Variants in ADAMTS16 observed in about 807,000 individuals in gnomAD.
The protein encoded by ADAMTS16 is ADAM metallopeptidase with thrombospondin type 1 motif 16, also known as A disintegrin and metalloproteinase with thrombospondin motifs 16.
ADAMTS16 carries 94 observed loss-of-function variants against 145.8 expected under a neutral mutation model. That is an observed-to-expected ratio of 0.64 (90% CI 0.55 to 0.77). The LOEUF is 0.77. Among genes scored for constraint, ADAMTS16 ranks in the 30% least tolerant of loss-of-function variants. ADAMTS16 has a pLI of 0.00. For synonymous variants in ADAMTS16, 659 were observed against 604.3 expected (o/e 1.09, Z -1.33); for missense variants, 1,585 against 1,591.5 (o/e 1.00, Z 0.07).
chr5:5,177,541 AT>A (rs994158937), intron 3 of ADAMTS16, among the ~76,000 whole-genome samples: 20 of 151,788 alleles, frequency 1.3e-4, no homozygotes, highest in African/African-American at 3.1e-4. Flanking sequence ...TTTTAGCCAA[AT>A]TTTTTTTTCA....
At chr5:5,141,213 C>T (rs270201) in intron 2 of ADAMTS16, among the ~76,000 whole-genome samples, 109,705 of 152,058 alleles carry the variant, frequency 0.72, 39,820 homozygotes, top group Admixed American at 0.81. Context: ...TGCTTATTCT[C>T]AGTGAAGGAG....
chr5:5,144,490 C>T (rs975271299), intron 2 of ADAMTS16, among the ~76,000 whole-genome samples: 2 of 151,956 alleles, frequency 1.3e-5, no homozygotes, highest in African/African-American at 4.8e-5. Flanking sequence ...ACCAATTATC[C>T]GTTGTTGATT....
intron 10 of ADAMTS16, among the ~76,000 whole-genome samples, chr5:5,209,838 C>T (rs1736227173): frequency 6.6e-6 from 1 of 152,124 alleles, no homozygotes; most frequent in African/African-American, 2.4e-5. Context: ...CTATCAAACA[C>T]AGGAAAAGCT....
At chr5:5,232,611 T>C in intron 12 of ADAMTS16, 95 bp downstream of exon 12, 3 of 1,493,154 alleles carry the variant, frequency 2.0e-6, no homozygotes, top group Admixed American at 2.1e-5. Flanking sequence ...TTTTTTTTTT[T>C]TTTTTTTTTT....
intron 9 of ADAMTS16, 78 bp from the exon 10 acceptor site, chr5:5,209,015 G>C: frequency 1.4e-6 from 2 of 1,474,464 alleles, no homozygotes; most frequent in Non-Finnish European, 1.8e-6. Flanking sequence ...TTACATGGGG[G>C]AGAAAGGCAT....
At chr5:5,236,301 C>T (rs1467198943) in intron 13 of ADAMTS16, among the ~76,000 whole-genome samples, 3 of 148,784 alleles carry the variant, frequency 2.0e-5, no homozygotes, top group East Asian at 2.0e-4. Context: ...TGTCCCTCCC[C>T]TTTTTTTTTT....
chr5:5,179,338 C>T (rs1441693133), intron 3 of ADAMTS16, among the ~76,000 whole-genome samples: 2 of 151,944 alleles, frequency 1.3e-5, no homozygotes, highest in East Asian at 3.9e-4. Flanking sequence ...CAATCATCTT[C>T]TGAGGGGGGG....
rs1251686039 is a variant in ADAMTS16, at chr5:5,319,144, G to A, written c.*6G>A. ...GCTCTAAGTCCAACTTGTGAGTTGGGACCGCTCTCCGTAGCAGAGAAAGTG... is the reference window on the plus strand; with the variant it reads ...GCTCTAAGTCCAACTTGTGAGTTGGAACCGCTCTCCGTAGCAGAGAAAGTG... On this transcript the variant is annotated 3_prime_UTR_variant, in exon 23 of 23. Transcript: ENST00000274181. The A allele has an allele frequency of 4.4e-6, 7 of 1,597,486 alleles. No homozygotes were observed. In the African/African-American group the frequency reaches 9.4e-5, roughly 21 times the overall value.
intron 3 of ADAMTS16, among the ~76,000 whole-genome samples, chr5:5,179,925 C>T (rs920728916): frequency 6.6e-6 from 1 of 152,178 alleles, no homozygotes. Context: ...AACCTACTCT[C>T]CTCTGTCTTT....
At chr5:5,305,394 CCACA>C (rs112974481) in intron 20 of ADAMTS16, among the ~76,000 whole-genome samples, 6 of 47,394 alleles carry the variant, frequency 1.3e-4, no homozygotes, top group African/African-American at 4.4e-4. Flanking sequence ...CAATCCCACA[CCACA>C]CACACACACA....
intron 14 of ADAMTS16, among the ~76,000 whole-genome samples, chr5:5,238,465 A>G (rs1737180752): frequency 6.6e-6 from 1 of 152,208 alleles, no homozygotes; most frequent in Non-Finnish European, 1.5e-5. Flanking sequence ...CATAGGTCTA[A>G]AATTTTAATT....
intron 3 of ADAMTS16, among the ~76,000 whole-genome samples, chr5:5,163,939 T>A (rs1397055287): frequency 6.6e-6 from 1 of 152,220 alleles, no homozygotes; most frequent in African/African-American, 2.4e-5. Context: ...GAACAGGAAC[T>A]AGCCCTTTGT....
chr5:5,158,610 G>A (rs942398648), intron 3 of ADAMTS16, among the ~76,000 whole-genome samples: 11 of 152,178 alleles, frequency 7.2e-5, no homozygotes, highest in Admixed American at 4.6e-4. Context: ...GTGATCTCAG[G>A]AAAGGCCAAT....
At chr5:5,311,374 A>G (rs913570996) in intron 21 of ADAMTS16, among the ~76,000 whole-genome samples, 1 of 152,074 alleles carries the variant, frequency 6.6e-6, no homozygotes, top group Non-Finnish European at 1.5e-5. Context: ...AAACAAACAA[A>G]TATTTATCTG....
intron 3 of ADAMTS16, among the ~76,000 whole-genome samples, chr5:5,166,087 A>G (rs1734868968): frequency 6.6e-6 from 1 of 152,134 alleles, no homozygotes; most frequent in Non-Finnish European, 1.5e-5. Flanking sequence ...TGTAAACTTG[A>G]TTGATAACTC....
chr5:5,160,577 T>C (rs966394219), intron 3 of ADAMTS16, among the ~76,000 whole-genome samples: 6 of 152,178 alleles, frequency 3.9e-5, no homozygotes, highest in Non-Finnish European at 4.4e-5. Flanking sequence ...GTCTAAAGTC[T>C]TGAAATACCT....
intron 18 of ADAMTS16, among the ~76,000 whole-genome samples, chr5:5,290,573 C>G (rs1011094836): frequency 1.3e-5 from 2 of 152,054 alleles, no homozygotes; most frequent in African/African-American, 4.8e-5. Flanking sequence ...GAACTTGAAC[C>G]AGGGAGGCAG....
intron 21 of ADAMTS16, among the ~76,000 whole-genome samples, chr5:5,311,521 C>T (rs1417753429): frequency 5.3e-5 from 8 of 149,550 alleles, no homozygotes; most frequent in African/African-American, 1.5e-4. Flanking sequence ...ATGTGTGAGA[C>T]GGCGTTGCTG....
intron 2 of ADAMTS16, among the ~76,000 whole-genome samples, chr5:5,145,847 C>T (rs1413341419): frequency 2.0e-5 from 3 of 152,148 alleles, no homozygotes; most frequent in Admixed American, 1.3e-4. Context: ...CCCTGAGTGG[C>T]TGGGAGGGCA....
Sources: gnomAD v4.1 joint callset for allele counts (sites outside exome capture counted in the v4.1 genomes callset) on GRCh38, gnomAD v4.1.1 for gene constraint, MANE v1.5 for transcripts, NCBI Gene and HGNC (gene_info 2026-07-23, HGNC 2026-07-21) for gene names.